The following C8B variants were observed in gnomAD, a reference collection of about 807,000 sequenced individuals.
C8B encodes the protein complement component C8 beta chain.
C8B carries 67 observed loss-of-function variants against 64.6 expected under a neutral mutation model. The observed-to-expected ratio is 1.04, with a 90% CI of 0.85 to 1.27. C8B has a LOEUF of 1.27. Among genes scored for constraint, C8B ranks in the 50% most tolerant of loss-of-function variants. The probability of loss-of-function intolerance (pLI) is 0.00; values close to 1 mark genes in which losing one functional copy is unlikely to be tolerated. For missense variants in C8B, 790 were observed against 725.2 expected (o/e 1.09, Z -1.03); for synonymous variants, 284 against 257.7 (o/e 1.10, Z -0.98).
At chr1:56,942,507 G>C (rs3768214) in intron 8 of C8B, among the ~76,000 whole-genome samples, 66,006 of 151,938 alleles carry the variant, frequency 0.43, 15,041 homozygotes, top group Non-Finnish European at 0.51. Flanking sequence ...TTTGGGACCA[G>C]CCTGGCCAAC....
At chr1:56,951,911 G>A (rs1645025242) in intron 5 of C8B, 137 bp downstream of exon 5, 2 of 891,770 alleles carry the variant, frequency 2.2e-6, no homozygotes, top group African/African-American at 1.7e-5. Flanking sequence ...TCTGGAGGAA[G>A]GAACTGCCCA....
At chr1:56,934,583 G>C (rs999670118) in intron 9 of C8B, among the ~76,000 whole-genome samples, 1 of 152,114 alleles carries the variant, frequency 6.6e-6, no homozygotes, top group Non-Finnish European at 1.5e-5. Context: ...GAGAGTTTAG[G>C]GTACGTCTAA....
Position 56,933,420 on chromosome 1 carries a change from C to G in C8B, c.1467G>C (p.Met489Ile). The G allele has an allele frequency of 6.2e-7, 1 of 1,613,672 alleles. No homozygotes were observed. Among genetic ancestry groups the G allele is most frequent in the Non-Finnish European group, 8.5e-7 (1 of 1,179,586 alleles). Residue 489 changes from methionine to isoleucine, a missense_variant, in exon 10 of 12, where the codon ATG becomes ATC. By Grantham distance (10) the Met-to-Ile change is conservative (BLOSUM62 1). Coordinates refer to ENST00000371237, the MANE Select transcript of C8B (RefSeq NM_000066.4). ...FAYSSTVRQN[M>I]KQALEEFQKE... ...TCTGGAACTCCTCCAGTGCCTGCTT[C>G]ATGTTCTGCCTCACTGTGCTGGAAT...
chr1:56,960,882 C>T (rs1222732726), intron 1 of C8B, among the ~76,000 whole-genome samples: 1 of 151,838 alleles, frequency 6.6e-6, no homozygotes, highest in Admixed American at 6.6e-5. Flanking sequence ...GTTCCAGGTG[C>T]CATGAAACAC....
At chr1:56,939,488 C>T (rs1186203298) in intron 9 of C8B, among the ~76,000 whole-genome samples, 2 of 152,304 alleles carry the variant, frequency 1.3e-5, no homozygotes, top group East Asian at 3.9e-4. Context: ...CTCAACCCTC[C>T]ACCTTGACTG....
At chr1:56,945,722 T>C (rs1644930476) in intron 7 of C8B, 99 bp downstream of exon 7, 3 of 1,444,578 alleles carry the variant, frequency 2.1e-6, no homozygotes, top group Admixed American at 1.7e-5. Flanking sequence ...CAAATGACAC[T>C]GTGAAGGTGT....
intron 7 of C8B, among the ~76,000 whole-genome samples, chr1:56,945,296 A>T (rs1330714033): frequency 6.6e-6 from 1 of 152,246 alleles, no homozygotes; most frequent in Non-Finnish European, 1.5e-5. Flanking sequence ...TGAAGAAAAG[A>T]AAAAACAGCA....
rs748411642 is a variant in C8B at position 56,931,892 on chromosome 1, G to A, written c.1553-14C>T. ...CACAGCGTGATCCTGAGAAGACAAGGCAGAGAAAGTGTGAATCATGCCAGG... is the reference window on the plus strand; with the variant it reads ...CACAGCGTGATCCTGAGAAGACAAGACAGAGAAAGTGTGAATCATGCCAGG... On this transcript the variant is annotated splice_polypyrimidine_tract_variant and intron_variant, in intron 10 of 11. Coordinates refer to ENST00000371237, the MANE Select transcript of C8B (RefSeq NM_000066.4). The A allele has an allele frequency of 3.7e-6, 6 of 1,606,614 alleles. No individual in the cohort carries two copies. In the Admixed American group the frequency reaches 6.7e-5, roughly 18 times the overall value.
Position 56,940,897 on chromosome 1 carries a change from C to T in C8B, c.1350G>A (p.Gln450=). Residue 450 remains glutamine (Q), a synonymous_variant, in exon 9 of 12, where the codon CAG becomes CAA. Coordinates refer to ENST00000371237, the MANE Select transcript of C8B (RefSeq NM_000066.4). ...YQELPTADLM[Q]EWGDAVQYNP... is the part of the protein sequence containing the mutation. ...TGTACTGCACAGCGTCTCCCCACTC[C>T]TGCATCAGGTCCGCCGTCGGCAGCT... 2 of 1,614,044 alleles carry T rather than the reference C, an allele frequency of 1.2e-6. No homozygotes were observed. The highest frequency in any genetic ancestry group is 2.2e-5 in the South Asian group (2 of 91,060).
At chr1:56,938,771 C>T (rs1481591276) in intron 9 of C8B, among the ~76,000 whole-genome samples, 1 of 152,162 alleles carries the variant, frequency 6.6e-6, no homozygotes, top group Non-Finnish European at 1.5e-5. Flanking sequence ...CTAGAAATTG[C>T]TTGTCTACTG....
At position 56,929,336 on chromosome 1, in the gene C8B, G is replaced by T; in HGVS notation, c.*68C>A. 1 of 1,549,456 alleles carries T rather than the reference G, an allele frequency of 6.5e-7. No individual in the cohort carries two copies. Among genetic ancestry groups the T allele is most frequent in the South Asian group, 1.1e-5 (1 of 89,648 alleles). On this transcript the variant is annotated 3_prime_UTR_variant, in exon 12 of 12. Coordinates refer to ENST00000371237, the MANE Select transcript of C8B (RefSeq NM_000066.4). ...AACTCCAGGTGGAAACTGGTGTAGG[G>T]CTGAGCTGGCATGAGTTCTTGAGGG...
chr1:56,944,503 T>A (rs925218994), intron 7 of C8B, among the ~76,000 whole-genome samples: 19 of 152,286 alleles, frequency 1.2e-4, no homozygotes, highest in African/African-American at 4.3e-4. Context: ...TTTCCCAAAG[T>A]GCATTTCTTG....
In C8B at chr1:56,951,080, G is replaced by T. The variant is rs1341517102; in HGVS notation, c.666+968C>A. Among the ~76,000 whole-genome samples, 26 of 152,132 alleles carry T rather than the reference G, an allele frequency of 1.7e-4. 2 individuals carry two copies. Among genetic ancestry groups the T allele is most frequent in the Admixed American group, 1.6e-3 (24 of 15,270 alleles). The stretch of plus-strand genomic sequence containing the variant: ...AGGAGGAGCTAGCCTTCAAAATGGT[G>T]CAATAAATACATTTTAAAGACAGGA... On this transcript the variant is annotated intron_variant, in intron 5 of 11. Coordinates refer to ENST00000371237, the MANE Select transcript of C8B (RefSeq NM_000066.4).
intron 3 of C8B, among the ~76,000 whole-genome samples, chr1:56,955,653 T>C (rs1160266775): frequency 6.6e-6 from 1 of 152,202 alleles, no homozygotes; most frequent in Non-Finnish European, 1.5e-5. Context: ...CAAATAACCA[T>C]CATGGCTTTC....
chr1:56,947,300 C>T (rs1213777722), intron 6 of C8B, among the ~76,000 whole-genome samples: 1 of 152,214 alleles, frequency 6.6e-6, no homozygotes, highest in Non-Finnish European at 1.5e-5. Flanking sequence ...TCTCTGGCTT[C>T]AGCTTCTACA....
At chr1:56,964,078 C>T in intron 1 of C8B, 1 of 806,592 alleles carries the variant, frequency 1.2e-6, no homozygotes, top group East Asian at 1.3e-4. Context: ...GAAAACCTCA[C>T]CACACATGCG....
chr1:56,953,934 T>C (rs647571), intron 4 of C8B, among the ~76,000 whole-genome samples: 103,152 of 152,042 alleles, frequency 0.68, 35,325 homozygotes, highest in South Asian at 0.76. Context: ...AAGCCTCCCA[T>C]GTGAAGAGTC....
At chr1:56,948,631 G>A (rs1349251323) in intron 6 of C8B, among the ~76,000 whole-genome samples, 1 of 152,118 alleles carries the variant, frequency 6.6e-6, no homozygotes, top group Admixed American at 6.5e-5. Context: ...CAGGCACCCA[G>A]GGGAGATTGG....
Position 56,956,752 on chromosome 1 carries a change from C to A in C8B, c.391+17G>T. On this transcript the variant is annotated intron_variant, in intron 3 of 11. Coordinates refer to ENST00000371237, the MANE Select transcript of C8B (RefSeq NM_000066.4). ...TCATTTCAGGCTTTCCCCTCTTACTCCTACATTGATTTATACCTGTCTGTG... is the reference window on the plus strand; with the variant it reads ...TCATTTCAGGCTTTCCCCTCTTACTACTACATTGATTTATACCTGTCTGTG... 1.2e-6 allele frequency: 2 copies of A among 1,613,652 alleles called. No individual in the cohort carries two copies.
Sources: allele counts gnomAD v4.1 joint callset (sites outside exome capture counted in the v4.1 genomes callset), GRCh38; gene constraint gnomAD v4.1.1; transcripts MANE v1.5; gene names NCBI Gene and HGNC (gene_info 2026-07-23, HGNC 2026-07-21).